TFCP2: variants seen among roughly 807,000 people sequenced by gnomAD.
TFCP2 encodes transcription factor CP2.
A neutral mutation model predicts 73.4 loss-of-function variants in TFCP2; 33 were observed. The ratio of observed to expected loss-of-function variants is 0.45; its 90% CI spans 0.34 to 0.60. TFCP2 has a LOEUF of 0.60. Among genes scored for constraint, TFCP2 ranks in the 20% least tolerant of loss-of-function variants. TFCP2 has a pLI of 0.01. For synonymous variants in TFCP2, 193 were observed against 211.6 expected, an observed-to-expected ratio of 0.91 and a Z score of 0.76; for missense variants, 352 against 604.0, an observed-to-expected ratio of 0.58 and a Z score of 4.37.
At chr12:51,110,554 C>A (rs1230550660) in intron 5 of TFCP2, among the ~76,000 whole-genome samples, 2 of 152,110 alleles carry the variant, frequency 1.3e-5, no homozygotes, top group African/African-American at 4.8e-5. Context: ...GGAGACAAAG[C>A]CTAGACACTG....
chr12:51,170,339 C>A (rs1366437258), intron 1 of TFCP2, among the ~76,000 whole-genome samples: 2 of 108,614 alleles, frequency 1.8e-5, no homozygotes, highest in Non-Finnish European at 3.7e-5. Flanking sequence ...TTTTTAAAAT[C>A]TTTCTTTTTT....
chr12:51,131,234 C>A (rs1179916588), intron 1 of TFCP2, among the ~76,000 whole-genome samples: 34 of 147,142 alleles, frequency 2.3e-4, no homozygotes, highest in Non-Finnish European at 4.6e-4. Flanking sequence ...ACTAGGGAGA[C>A]TGAGGCAGGA....
chr12:51,153,027 G>C (rs1336593555), intron 1 of TFCP2, among the ~76,000 whole-genome samples: 1 of 152,194 alleles, frequency 6.6e-6, no homozygotes, highest in Non-Finnish European at 1.5e-5. Flanking sequence ...TTGGGCAAAG[G>C]AGAACTATTT....
chr12:51,114,710 C>T (rs1940478829), intron 4 of TFCP2, among the ~76,000 whole-genome samples: 1 of 151,956 alleles, frequency 6.6e-6, no homozygotes, highest in African/African-American at 2.4e-5. Flanking sequence ...CAGGGAAATG[C>T]AAATCAAAAC....
chr12:51,098,564 C>T (rs552188400), intron 13 of TFCP2, among the ~76,000 whole-genome samples: 31 of 151,604 alleles, frequency 2.0e-4, no homozygotes, highest in African/African-American at 7.5e-4. Context: ...AGGAGGAGGT[C>T]GCAGTGACCT....
intron 4 of TFCP2, among the ~76,000 whole-genome samples, chr12:51,114,660 C>A (rs1392338287): frequency 6.6e-6 from 1 of 151,654 alleles, no homozygotes; most frequent in Non-Finnish European, 1.5e-5. Flanking sequence ...ATATAAATGG[C>A]CAATAAGCAC....
At chr12:51,096,316 G>A (rs761016340) in intron 13 of TFCP2, among the ~76,000 whole-genome samples, 7 of 152,134 alleles carry the variant, frequency 4.6e-5, no homozygotes, top group Middle Eastern at 3.2e-3. Context: ...AGGAGCACAC[G>A]GACACAAATA....
rs1423865589 is a variant in TFCP2 at position 51,135,620 on chromosome 12, G to C, written c.123-16848C>G. On this transcript the variant is annotated intron_variant, in intron 1 of 14. Coordinates refer to ENST00000257915, the MANE Select transcript of TFCP2 (RefSeq NM_005653.5). Reference sequence around the variant, plus strand: ...AGCAGCTGAACATCAGAATCACCTGGGGAGCTTTAGGCCATATCCCATGTC... The same window carrying C: ...AGCAGCTGAACATCAGAATCACCTGCGGAGCTTTAGGCCATATCCCATGTC... 2.0e-5 allele frequency among the ~76,000 whole-genome samples: 3 copies of C among 152,106 alleles called. No homozygotes were observed. In the East Asian group the frequency reaches 5.8e-4, roughly 29 times the overall value.
chr12:51,127,902 G>A (rs1403919482), intron 1 of TFCP2, among the ~76,000 whole-genome samples: 1 of 147,620 alleles, frequency 6.8e-6, no homozygotes, highest in Non-Finnish European at 1.5e-5. Flanking sequence ...AGCTTTGTGT[G>A]TCTGAAGAAG....
chr12:51,134,277 T>C (rs1259538489), intron 1 of TFCP2, among the ~76,000 whole-genome samples: 1 of 152,160 alleles, frequency 6.6e-6, no homozygotes, highest in African/African-American at 2.4e-5. Context: ...CTAATTTTGG[T>C]ATTTTTTCTT....
chr12:51,116,403 C>A lies in TFCP2; in HGVS notation c.369G>T (p.Val123=). Residue 123 remains valine, a synonymous_variant, in exon 4 of 15, where the codon GTG becomes GTT. Transcript: ENST00000257915. Reference sequence around the variant, plus strand: ...TGTACTGAAGCCTTCTGTCATGGAACACCACACGGAATATACTCTAAAAGG... The same window carrying A: ...TGTACTGAAGCCTTCTGTCATGGAAAACCACACGGAATATACTCTAAAAGG... ...GKLVKSIFRV[V]FHDRRLQYTE... 1 of 1,599,852 alleles carries A rather than the reference C, an allele frequency of 6.3e-7. No homozygotes were observed. Among genetic ancestry groups the A allele is most frequent in the Non-Finnish European group, 8.5e-7 (1 of 1,171,266 alleles).
intron 4 of TFCP2, among the ~76,000 whole-genome samples, chr12:51,115,598 C>T (rs1209158934): frequency 3.3e-5 from 5 of 152,162 alleles, no homozygotes; most frequent in Admixed American, 6.5e-5. Flanking sequence ...ATTTGTACAT[C>T]CATGTTCATA....
chr12:51,119,723 C>G (rs1221898249), intron 1 of TFCP2, among the ~76,000 whole-genome samples: 1 of 150,666 alleles, frequency 6.6e-6, no homozygotes, highest in Non-Finnish European at 1.5e-5. Context: ...GCACTCCAGC[C>G]TGGGCAACAA....
intron 13 of TFCP2, among the ~76,000 whole-genome samples, chr12:51,098,486 C>T (rs904068046): frequency 4.0e-5 from 6 of 151,896 alleles, no homozygotes; most frequent in Admixed American, 6.6e-5. Flanking sequence ...ATTAGCCAGG[C>T]GTGGTGGCGC....
intron 1 of TFCP2, among the ~76,000 whole-genome samples, chr12:51,137,565 A>G (rs1941088351): frequency 6.6e-6 from 1 of 152,198 alleles, no homozygotes; most frequent in Non-Finnish European, 1.5e-5. Flanking sequence ...ACCAGCCTAC[A>G]GATCTCATTA....
chr12:51,101,651 T>A (rs1404481782), intron 11 of TFCP2, among the ~76,000 whole-genome samples: 1 of 152,194 alleles, frequency 6.6e-6, no homozygotes, highest in Non-Finnish European at 1.5e-5. Context: ...CACCAATATA[T>A]TAATATTCCC....
chr12:51,150,474 A>T (rs1474292328), intron 1 of TFCP2, among the ~76,000 whole-genome samples: 1 of 152,194 alleles, frequency 6.6e-6, no homozygotes, highest in East Asian at 1.9e-4. Flanking sequence ...ATTCTTTTTA[A>T]TTTTAAAATT....
chr12:51,170,348 T>C (rs1335700024), intron 1 of TFCP2, among the ~76,000 whole-genome samples: 1 of 151,632 alleles, frequency 6.6e-6, no homozygotes, highest in East Asian at 1.9e-4. Flanking sequence ...TCTTTCTTTT[T>C]TTTTAATTTT....
chr12:51,127,158 T>A (rs1940835197), intron 1 of TFCP2, among the ~76,000 whole-genome samples: 2 of 152,262 alleles, frequency 1.3e-5, no homozygotes, highest in South Asian at 2.1e-4. Flanking sequence ...AAGTAGTGGA[T>A]GCCTCAAAAG....
Sources: allele counts gnomAD v4.1 joint callset (sites outside exome capture counted in the v4.1 genomes callset), GRCh38; gene constraint gnomAD v4.1.1; transcripts MANE v1.5; gene names NCBI Gene and HGNC (gene_info 2026-07-23, HGNC 2026-07-21).